Variants in GRM7 observed in about 807,000 individuals in gnomAD.
GRM7 encodes the protein glutamate metabotropic receptor 7.
A neutral mutation model predicts 84.5 loss-of-function variants in GRM7; 35 were observed. That is an observed-to-expected ratio of 0.41 (90% CI 0.32 to 0.55). The LOEUF is 0.55. GRM7 is among the 20% of genes least tolerant of loss of function. The probability of loss-of-function intolerance (pLI) is 0.19; values close to 1 mark genes in which losing one functional copy is unlikely to be tolerated. For synonymous variants in GRM7, 487 were observed against 455.1 expected, an observed-to-expected ratio of 1.07 and a Z score of -0.89; for missense variants, 1,003 against 1,194.6, an observed-to-expected ratio of 0.84 and a Z score of 2.36.
chr3:7,062,902 G>A (rs1697482248), intron 1 of GRM7, among the ~76,000 whole-genome samples: 1 of 151,696 alleles, frequency 6.6e-6, no homozygotes, highest in South Asian at 2.1e-4. Context: ...TCCTTGGCTG[G>A]CTATGTTCCT....
intron 1 of GRM7, among the ~76,000 whole-genome samples, chr3:6,921,423 G>A (rs924331843): frequency 2.6e-5 from 4 of 152,168 alleles, no homozygotes; most frequent in African/African-American, 9.7e-5. Context: ...CCTGTGCCCC[G>A]AGGGAAAGCG....
chr3:7,375,835 C>A (rs963333822), intron 4 of GRM7, among the ~76,000 whole-genome samples: 2 of 152,164 alleles, frequency 1.3e-5, no homozygotes, highest in African/African-American at 4.8e-5. Flanking sequence ...GCCTAATTCC[C>A]AAACCAGAGT....
intron 5 of GRM7, among the ~76,000 whole-genome samples, chr3:7,421,762 G>A (rs889630925): frequency 2.0e-5 from 3 of 151,936 alleles, no homozygotes; most frequent in African/African-American, 7.3e-5. Context: ...TCCTTCCTGT[G>A]ACCATGGTTG....
chr3:6,964,806 C>T (rs773697555), intron 1 of GRM7, among the ~76,000 whole-genome samples: 2 of 152,178 alleles, frequency 1.3e-5, no homozygotes, highest in Non-Finnish European at 2.9e-5. Context: ...GTACCAGCTG[C>T]CCCTCCAGAT....
intron 5 of GRM7, among the ~76,000 whole-genome samples, chr3:7,439,476 CT>C (rs1380455505): frequency 6.6e-6 from 1 of 152,128 alleles, no homozygotes; most frequent in Non-Finnish European, 1.5e-5. Flanking sequence ...AAGATAACAC[CT>C]TTTGTCCCTG....
intron 9 of GRM7, chr3:7,693,813 A>G (rs1050847855): frequency 3.5e-6 from 2 of 568,588 alleles, no homozygotes; most frequent in Non-Finnish European, 6.3e-6. Context: ...GGTAGTTCTC[A>G]TCACATGCCA....
chr3:7,027,029 T>C (rs896892634), intron 1 of GRM7, among the ~76,000 whole-genome samples: 5 of 152,256 alleles, frequency 3.3e-5, no homozygotes, highest in Non-Finnish European at 7.3e-5. Context: ...CTCCCCATTG[T>C]GTTCTGCCTG....
At chr3:7,567,742 C>A (rs1694379409) in intron 7 of GRM7, among the ~76,000 whole-genome samples, 1 of 70,272 alleles carries the variant, frequency 1.4e-5, no homozygotes, top group Admixed American at 2.4e-4. Context: ...AGTGAGACTC[C>A]ATCTCAAAAA....
At chr3:7,090,603 A>C (rs919641322) in intron 1 of GRM7, among the ~76,000 whole-genome samples, 5 of 152,240 alleles carry the variant, frequency 3.3e-5, no homozygotes, top group South Asian at 2.1e-4. Flanking sequence ...GTCAATAGAC[A>C]AAACTTCTGA....
intron 9 of GRM7, among the ~76,000 whole-genome samples, chr3:7,734,360 C>T (rs1217200930): frequency 6.6e-6 from 1 of 152,092 alleles, no homozygotes; most frequent in Non-Finnish European, 1.5e-5. Flanking sequence ...CACATGGCAG[C>T]TTTAATATAT....
chr3:7,677,124 C>T (rs759266176), intron 8 of GRM7, among the ~76,000 whole-genome samples: 84 of 151,466 alleles, frequency 5.5e-4, no homozygotes, highest in Middle Eastern at 3.4e-3. Flanking sequence ...TAGCCGGGCG[C>T]GGTGGCACGT....
chr3:7,203,356 A>G (rs554826089), intron 2 of GRM7, among the ~76,000 whole-genome samples: 94 of 152,346 alleles, frequency 6.2e-4, no homozygotes, highest in African/African-American at 2.0e-3. Flanking sequence ...AATGACCTAC[A>G]GTTTCATCCA....
At chr3:7,158,428 C>G (rs1291983359) in intron 2 of GRM7, among the ~76,000 whole-genome samples, 1 of 152,142 alleles carries the variant, frequency 6.6e-6, no homozygotes, top group Admixed American at 6.6e-5. Flanking sequence ...AACATCCCCT[C>G]TGAAGCTCAG....
intron 1 of GRM7, among the ~76,000 whole-genome samples, chr3:7,034,022 A>G (rs976329071): frequency 7.2e-5 from 11 of 152,158 alleles, no homozygotes; most frequent in South Asian, 6.2e-4. Flanking sequence ...TATGGTATGA[A>G]TCTTTCATTT....
Position 7,680,288 on chromosome 3 carries a change from C to A in GRM7, c.2691C>A (p.Asp897Glu). The A allele has an allele frequency of 5.6e-6, 9 of 1,614,092 alleles. No individual in the cohort carries two copies. The highest frequency in any genetic ancestry group is 7.6e-6 in the Non-Finnish European group (9 of 1,179,952). Residue 897 changes from aspartate to glutamate, a missense_variant, in exon 9 of 10, where the codon GAC (aspartate) becomes GAA (glutamate). Coordinates refer to ENST00000357716, the MANE Select transcript of GRM7 (RefSeq NM_000844.4). Reference sequence around the variant, plus strand: ...AGACCGAGCTCTGTGAAAACGTAGACCCAAACAGTAAGTAACTCTCCGTTT... The same window carrying A: ...AGACCGAGCTCTGTGAAAACGTAGAACCAAACAGTAAGTAACTCTCCGTTT... Reference protein sequence around the residue: ...EAKTELCENVDPNSPAAKKKY... With the variant: ...EAKTELCENVEPNSPAAKKKY...
chr3:7,691,613 A>G (rs1700803183), intron 9 of GRM7, among the ~76,000 whole-genome samples: 1 of 152,162 alleles, frequency 6.6e-6, no homozygotes, highest in Admixed American at 6.5e-5. Flanking sequence ...GTCAGGGTAC[A>G]TAAGATAACA....
intron 2 of GRM7, among the ~76,000 whole-genome samples, chr3:7,164,605 TTTC>T (rs1289678678): frequency 6.6e-6 from 1 of 152,248 alleles, no homozygotes; most frequent in Non-Finnish European, 1.5e-5. Flanking sequence ...CTGGATTATC[TTTC>T]TTCTTTTCAC....
At chr3:7,403,417 A>G (rs143410401) in intron 4 of GRM7, among the ~76,000 whole-genome samples, 16 of 151,460 alleles carry the variant, frequency 1.1e-4, no homozygotes, top group African/African-American at 3.9e-4. Context: ...TTCACCCTAC[A>G]TTCATTAGGA....
At chr3:7,332,888 G>A (rs1701263727) in intron 4 of GRM7, among the ~76,000 whole-genome samples, 1 of 152,046 alleles carries the variant, frequency 6.6e-6, no homozygotes, top group Admixed American at 6.6e-5. Context: ...AGCCCTGGTA[G>A]CTAAAGGCAA....
Sources: gnomAD v4.1 joint callset for allele counts (sites outside exome capture counted in the v4.1 genomes callset) on GRCh38, gnomAD v4.1.1 for gene constraint, MANE v1.5 for transcripts, NCBI Gene and HGNC (gene_info 2026-07-23, HGNC 2026-07-21) for gene names.